TNRC6A: variants seen among roughly 807,000 people sequenced by gnomAD.
TNRC6A encodes trinucleotide repeat-containing gene 6A protein.
Under a neutral mutation model 221.2 loss-of-function variants are expected in TNRC6A, and 44 were observed. That is an observed-to-expected ratio of 0.20 (90% confidence interval 0.16 to 0.26). The LOEUF is 0.26. TNRC6A is among the 10% of genes least tolerant of loss of function. TNRC6A has a pLI of 1.00. For missense variants in TNRC6A, 2,199 were observed against 2,404.4 expected, an observed-to-expected ratio of 0.91 and a Z score of 1.79; for synonymous variants, 847 against 838.5, an observed-to-expected ratio of 1.01 and a Z score of -0.18.
chr16:24,731,247 T>A (rs1327430649), intron 2 of TNRC6A, among the ~76,000 whole-genome samples: 1 of 152,180 alleles, frequency 6.6e-6, no homozygotes, highest in Non-Finnish European at 1.5e-5. Context: ...TTCTCCTATC[T>A]CAGGTTTTAA....
At chr16:24,692,346 G>A (rs976643659) in intron 2 of TNRC6A, among the ~76,000 whole-genome samples, 3 of 152,098 alleles carry the variant, frequency 2.0e-5, no homozygotes, top group Non-Finnish European at 2.9e-5. Flanking sequence ...TGAGGCAGGC[G>A]GATCACTTGA....
intron 5 of TNRC6A, among the ~76,000 whole-genome samples, chr16:24,783,506 A>G (rs1203929734): frequency 1.3e-5 from 2 of 150,956 alleles, no homozygotes. Flanking sequence ...TCTTTTTTGG[A>G]TAGATGTTCT....
At chr16:24,796,183 G>C (rs1424444560) in intron 9 of TNRC6A, 1 of 426,338 alleles carries the variant, frequency 2.3e-6, no homozygotes, top group East Asian at 3.5e-5. Flanking sequence ...TGTTAAGGAA[G>C]ATAGTAGCCC....
chr16:24,619,780 G>A (rs183677342), intron 1 of TNRC6A, among the ~76,000 whole-genome samples: 1 of 152,214 alleles, frequency 6.6e-6, no homozygotes, highest in East Asian at 1.9e-4. Flanking sequence ...TGTACAGGGT[G>A]TGTGTGTGAG....
intron 4 of TNRC6A, among the ~76,000 whole-genome samples, chr16:24,775,390 A>G (rs960108092): frequency 1.3e-5 from 2 of 152,262 alleles, no homozygotes; most frequent in East Asian, 1.9e-4. Flanking sequence ...TGGAAGTCAC[A>G]TGGAAAAAAA....
At chr16:24,750,382 G>A (rs143230183) in intron 2 of TNRC6A, among the ~76,000 whole-genome samples, 1 of 152,150 alleles carries the variant, frequency 6.6e-6, no homozygotes, top group Non-Finnish European at 1.5e-5. Context: ...TGATACTTGG[G>A]GCCAGTAGCA....
intron 2 of TNRC6A, among the ~76,000 whole-genome samples, chr16:24,733,914 G>A (rs904754439): frequency 2.0e-5 from 3 of 152,178 alleles, no homozygotes; most frequent in African/African-American, 7.2e-5. Flanking sequence ...AGTGGCTAAC[G>A]CCTGTAATCC....
chr16:24,777,339 G>A lies in TNRC6A; in HGVS notation c.570G>A (p.Gln190=), dbSNP rs749183774. The A allele has an allele frequency of 1.9e-6, 3 of 1,610,580 alleles. No individual in the cohort carries two copies. The East Asian group carries it at 6.7e-5, about 36-fold the overall frequency. The part of the protein sequence containing the change: ...NQQPQNNGEV[Q]NSKNQSDINH... ...AGCCACAAAATAACGGAGAGGTGCAGAACAGCAAAAACCAGTCAGGTGAGA... is the reference window on the plus strand; with the variant it reads ...AGCCACAAAATAACGGAGAGGTGCAAAACAGCAAAAACCAGTCAGGTGAGA... Residue 190 remains glutamine (Q), a synonymous_variant, in exon 5 of 25, where the codon CAG becomes CAA. Coordinates refer to ENST00000395799, the MANE Select transcript of TNRC6A (RefSeq NM_014494.4).
Position 24,805,059 on chromosome 16 carries a change from C to G in TNRC6A, c.4030C>G (p.Pro1344Ala). ...TGGTGTTGGAAACACAGCAGCACAACCCCGGGGCATGCAGCAGCCTCCAGC... is the reference window on the plus strand; with the variant it reads ...TGGTGTTGGAAACACAGCAGCACAAGCCCGGGGCATGCAGCAGCCTCCAGC... Reference protein sequence around the residue: ...MFGVGNTAAQPRGMQQPPAQP... With the variant: ...MFGVGNTAAQARGMQQPPAQP... Residue 1344 changes from proline to alanine, a missense_variant, in exon 14 of 25, where the codon CCC becomes GCC. Transcript: ENST00000395799. The G allele has an allele frequency of 6.2e-7, 1 of 1,614,202 alleles. No individual in the cohort carries two copies. Among genetic ancestry groups the G allele is most frequent in the Non-Finnish European group, 8.5e-7 (1 of 1,180,042 alleles).
intron 2 of TNRC6A, among the ~76,000 whole-genome samples, chr16:24,722,569 G>A (rs1157171300): frequency 6.6e-6 from 1 of 151,960 alleles, no homozygotes; most frequent in African/African-American, 2.4e-5. Context: ...AAGTAGCTGG[G>A]ATTACAGGCA....
intron 2 of TNRC6A, among the ~76,000 whole-genome samples, chr16:24,738,866 T>G (rs1379145216): frequency 2.0e-5 from 3 of 152,224 alleles, no homozygotes; most frequent in Non-Finnish European, 2.9e-5. Context: ...TTGTTTTGTT[T>G]TGTTTTTGAG....
chr16:24,636,739 G>T (rs757437287), intron 1 of TNRC6A, among the ~76,000 whole-genome samples: 3 of 152,004 alleles, frequency 2.0e-5, no homozygotes, highest in Non-Finnish European at 4.4e-5. Context: ...ATGGCATTTT[G>T]TTCCTTAATT....
chr16:24,821,491 G>A (rs1056451188), intron 22 of TNRC6A, among the ~76,000 whole-genome samples: 1 of 152,186 alleles, frequency 6.6e-6, no homozygotes, highest in Non-Finnish European at 1.5e-5. Context: ...GGCCTGAGCT[G>A]TGTCATGGAA....
intron 4 of TNRC6A, among the ~76,000 whole-genome samples, chr16:24,760,061 C>T (rs2057330344): frequency 6.6e-6 from 1 of 152,122 alleles, no homozygotes; most frequent in South Asian, 2.1e-4. Flanking sequence ...AATCTAACCT[C>T]CCTTGACCTA....
chr16:24,621,892 T>A (rs1274536448), intron 1 of TNRC6A, among the ~76,000 whole-genome samples: 1 of 152,194 alleles, frequency 6.6e-6, no homozygotes, highest in African/African-American at 2.4e-5. Context: ...GTGAATATGA[T>A]GATTTCACCC....
intron 22 of TNRC6A, 126 bp from the exon 23 acceptor site, chr16:24,821,951 A>G (rs1056821433): frequency 9.1e-6 from 8 of 880,012 alleles, no homozygotes; most frequent in Non-Finnish European, 1.5e-5. Context: ...GGGCCTAGGG[A>G]GAAAGCCTCC....
At chr16:24,655,558 A>G (rs773174576) in intron 2 of TNRC6A, among the ~76,000 whole-genome samples, 5 of 152,044 alleles carry the variant, frequency 3.3e-5, no homozygotes, top group Admixed American at 6.6e-5. Context: ...GCGTGGTGGC[A>G]CATGTCTGTA....
In TNRC6A at chr16:24,790,099, G is replaced by C; in HGVS notation, c.1457G>C (p.Ser486Thr). Residue 486 changes from serine to threonine, a missense_variant, in exon 6 of 25, where the codon AGC becomes ACC. Around this residue, in one of 8 missense-constraint regions of TNRC6A, gnomAD observed 1,405 missense variants for 1,400.2 expected, o/e 1.00. Coordinates refer to ENST00000395799, the MANE Select transcript of TNRC6A (RefSeq NM_014494.4). ...PSSNTGAWRVSTMNHPQMQAP... is the reference protein window; with the variant it reads ...PSSNTGAWRVTTMNHPQMQAP... ...AGTAACACAGGGGCCTGGCGTGTGA[G>C]CACAATGAATCATCCTCAGATGCAG... 6.2e-7 allele frequency: 1 copy of C among 1,614,204 alleles called. No individual in the cohort carries two copies. Among genetic ancestry groups the C allele is most frequent in the Non-Finnish European group, 8.5e-7 (1 of 1,180,036 alleles).
chr16:24,645,011 A>T (rs1436649496), intron 2 of TNRC6A, among the ~76,000 whole-genome samples: 1 of 152,224 alleles, frequency 6.6e-6, no homozygotes, highest in Non-Finnish European at 1.5e-5. Flanking sequence ...TACAGCTGTC[A>T]TTGAAAACAT....
Sources: allele counts gnomAD v4.1 joint callset (sites outside exome capture counted in the v4.1 genomes callset), GRCh38; gene constraint gnomAD v4.1.1; regional missense constraint gnomAD v4.1.1; transcripts MANE v1.5; gene names NCBI Gene and HGNC (gene_info 2026-07-23, HGNC 2026-07-21).